USP6: variants seen among roughly 807,000 people sequenced by gnomAD.
USP6 encodes ubiquitin carboxyl-terminal hydrolase 6.
Under a neutral mutation model 175.7 loss-of-function variants are expected in USP6, and 128 were observed. The ratio of observed to expected loss-of-function variants is 0.73; its 90% CI spans 0.63 to 0.84. The LOEUF (loss-of-function observed/expected upper bound fraction) is 0.84, where lower values mean the gene tolerates loss of function less well. USP6 is among the 40% of genes least tolerant of loss of function. The pLI, the probability that USP6 is intolerant of heterozygous loss-of-function variation, is 0.00. For missense variants in USP6, 1,498 were observed against 1,760.3 expected, an observed-to-expected ratio of 0.85 and a Z score of 2.67; for synonymous variants, 562 against 630.6, an observed-to-expected ratio of 0.89 and a Z score of 1.63.
Position 5,170,349 on chromosome 17 carries a change from A to G in USP6, c.3518-130A>G. 2.2e-6 allele frequency: 3 copies of G among 1,369,358 alleles called. No individual in the cohort carries two copies. In the South Asian group the frequency reaches 4.5e-5, roughly 21 times the overall value. 84.8% of individuals were successfully genotyped at this position (1,369,358 alleles called of 1,614,324 possible). ...GGCTACACAATAGGAACCAAAGGGT[A>G]GCCAGTCATGACTCCCCTGTCTTTA... is the stretch of plus-strand genomic sequence containing the variant. On this transcript the variant is annotated intron_variant, in intron 35 of 37. Transcript: ENST00000574788.
At chr17:5,122,237 A>G (rs199659834) in intron 4 of USP6, among the ~76,000 whole-genome samples, 8 of 151,936 alleles carry the variant, frequency 5.3e-5, no homozygotes, top group Non-Finnish European at 7.4e-5. Context: ...GGTAAGCGTG[A>G]CTCACAGTCA....
At chr17:5,154,182 T>C (rs1183505387) in intron 30 of USP6, among the ~76,000 whole-genome samples, 1 of 152,256 alleles carries the variant, frequency 6.6e-6, no homozygotes, top group Non-Finnish European at 1.5e-5. Context: ...CTTAAAATTA[T>C]GTATTTAAGC....
chr17:5,142,134 C>A lies in USP6; in HGVS notation c.1705C>A (p.Leu569Ile). 6.2e-7 allele frequency: 1 copy of A among 1,612,042 alleles called. No homozygotes were observed. The highest frequency in any genetic ancestry group is 8.5e-7 in the Non-Finnish European group (1 of 1,179,212). Reference protein sequence around the residue: ...YFISGRHLYELNRTNPIGMKG... With the variant: ...YFISGRHLYEINRTNPIGMKG... ...TATCTCAGGGAGACATCTTTATGAA[C>A]TCAACAGGTAAACTTTCTTGAGTCA... Residue 569 changes from leucine to isoleucine, a missense_variant, in exon 24 of 38, where the codon CTC becomes ATC. Coordinates refer to ENST00000574788, the MANE Select transcript of USP6 (RefSeq NM_001304284.2).
rs374405147 is a variant in USP6, at chr17:5,137,092, G to A, written c.760-29G>A. ...GGAGGTTTTTAGGGCAGCCCAGGGG[G>A]CCCTGAGCACCTCTGTTCATCCCAT... is the stretch of plus-strand genomic sequence containing the variant. On this transcript the variant is annotated intron_variant, in intron 18 of 37. Transcript: ENST00000574788. 10 of 1,609,574 alleles carry A rather than the reference G, an allele frequency of 6.2e-6. No homozygotes were observed. The African/African-American group carries it at 1.3e-4, about 22-fold the overall frequency.
At chr17:5,117,141 T>C (rs2072555773) in intron 1 of USP6, among the ~76,000 whole-genome samples, 1 of 152,248 alleles carries the variant, frequency 6.6e-6, no homozygotes, top group Non-Finnish European at 1.5e-5. Context: ...GTTTCTCTTC[T>C]ACAATTATAA....
At position 5,169,011 on chromosome 17, in the gene USP6, A is replaced by G. The variant is rs1362164785; in HGVS notation, c.3473A>G (p.Lys1158Arg). 4.3e-6 allele frequency: 7 copies of G among 1,613,708 alleles called. No homozygotes were observed. In the Admixed American group the frequency reaches 1.0e-4, roughly 23 times the overall value. ...SAGKEDMLLS[K>R]SPSSLSANIS... ...GGAAAAGAGGACATGCTCCTAAGCA[A>G]AAGCCCATCCTCACTCAGCGCTAAC... The change falls in exon 35 of 38, where the codon AAA becomes AGA. Residue 1158 changes from lysine (K) to arginine (R), a missense_variant. Lys to Arg is a conservative substitution (Grantham distance 26). Transcript: ENST00000574788.
intron 36 of USP6, among the ~76,000 whole-genome samples, chr17:5,171,270 G>T (rs1377406528): frequency 6.6e-6 from 1 of 152,128 alleles, no homozygotes; most frequent in Non-Finnish European, 1.5e-5. Context: ...AGCCCAGAAG[G>T]TCAAGTCTTT....
chr17:5,125,656 AAACACG>A (rs1404230597), intron 5 of USP6, among the ~76,000 whole-genome samples, 159 bp from the exon 6 acceptor site: 1 of 80,540 alleles, frequency 1.2e-5, no homozygotes, highest in Non-Finnish European at 3.2e-5. Context: ...TGCAACACAC[AAACACG>A]CACACACACG....
chr17:5,131,102 G>A (rs1567778302), intron 11 of USP6, among the ~76,000 whole-genome samples: 2 of 151,010 alleles, frequency 1.3e-5, no homozygotes, highest in East Asian at 4.0e-4. Context: ...AGAGCCCACC[G>A]GCCCCTGTCC....
chr17:5,134,095 A>G lies in USP6; in HGVS notation c.494+99A>G, dbSNP rs1364917568. On this transcript the variant is annotated intron_variant, in intron 15 of 37. Transcript: ENST00000574788. ...AAGCCAGGGTCACCCAGGAGGGATG[A>G]CAGAGCTGCCAAGAGCTCTCCTGGC... is the stretch of plus-strand genomic sequence containing the variant. 7 of 1,314,326 alleles carry G rather than the reference A, an allele frequency of 5.3e-6. No homozygotes were observed. The East Asian group carries it at 1.7e-4, about 31-fold the overall frequency. 81.4% of individuals were successfully genotyped at this position (1,314,326 alleles called of 1,614,324 possible). A position where few individuals can be genotyped will look rare whatever the true frequency, so the allele number is the denominator to read the frequency against.
intron 33 of USP6, 37 bp downstream of exon 33, chr17:5,163,041 A>C: frequency 2.7e-6 from 4 of 1,509,422 alleles, no homozygotes; most frequent in Non-Finnish European, 3.5e-6. Context: ...GGTGGTTTTT[A>C]TATGGGAAAT....
rs2073141947 is a variant in USP6, at chr17:5,133,448, A to G, written c.282A>G (p.Ile94Met). The change falls in exon 14 of 38, where the codon ATA (isoleucine) becomes ATG (methionine). Residue 94 changes from isoleucine to methionine, a missense_variant. Transcript: ENST00000574788. ...AGATTCTTTTCTGCCCACAGCTCATAGATCGAGTGTACAAGGGAATTCCCA... is the reference window on the plus strand; with the variant it reads ...AGATTCTTTTCTGCCCACAGCTCATGGATCGAGTGTACAAGGGAATTCCCA... ...WETYKHSSKL[I>M]DRVYKGIPMN... The G allele has an allele frequency of 6.2e-7, 1 of 1,610,918 alleles. No individual in the cohort carries two copies. Among genetic ancestry groups the G allele is most frequent in the African/African-American group, 1.3e-5 (1 of 74,830 alleles).
At chr17:5,125,684 A>ACACACACACACACACACACGCACATG (rs2072870935) in intron 5 of USP6, 137 bp from the exon 6 acceptor site, 1 of 110,392 alleles carries the variant, frequency 9.1e-6, no homozygotes, top group East Asian at 4.5e-4. Flanking sequence ...ACATGCACAC[A>ACACACACACACACACACACGCACATG]CACACACACA....
chr17:5,128,118 T>C (rs1463114853), intron 7 of USP6, among the ~76,000 whole-genome samples: 1 of 152,204 alleles, frequency 6.6e-6, no homozygotes, highest in Non-Finnish European at 1.5e-5. Context: ...ACAGGCAGAC[T>C]AAGCCCAGGT....
At position 5,170,816 on chromosome 17, in the gene USP6, C is replaced by T; in HGVS notation, c.3855C>T (p.Tyr1285=). 6.2e-7 allele frequency: 1 copy of T among 1,613,454 alleles called. No individual in the cohort carries two copies. The highest frequency in any genetic ancestry group is 8.5e-7 in the Non-Finnish European group (1 of 1,179,866). The change falls in exon 36 of 38, where the codon TAC becomes TAT. Residue 1285 remains tyrosine, a synonymous_variant. Transcript: ENST00000574788. The stretch of plus-strand genomic sequence containing the variant: ...GTGGCAATGGCTGTGGCGATGGCTA[C>T]AGCAATGGTCAGCTTGGAAACCACA... ...EACGNGCGDG[Y]SNGQLGNHSE... is the part of the protein sequence containing the mutation.
chr17:5,146,302 C>A, intron 28 of USP6, 128 bp downstream of exon 28: 3 of 1,331,900 alleles, frequency 2.3e-6, no homozygotes, highest in Non-Finnish European at 2.0e-6. Context: ...AACTGAACAA[C>A]AACAAAAAAT....
rs536045893 is a variant in USP6, at chr17:5,168,124, G to A, written c.3228+1G>A. 480 of 1,602,870 alleles carry A rather than the reference G, an allele frequency of 3.0e-4. 6 individuals are homozygous for A. In the South Asian group the frequency reaches 3.3e-3, roughly 11 times the overall value. On this transcript the variant is annotated splice_donor_variant, in intron 34 of 37. Transcript: ENST00000574788. LOFTEE classifies it high-confidence loss of function. ...TCTCTGGAGGCTTCCACCCTTCCTG[G>A]TATGTTACGGTCCTGCCTCTGAGAG...
At chr17:5,157,499 A>T (rs920255046) in intron 31 of USP6, among the ~76,000 whole-genome samples, 2 of 152,246 alleles carry the variant, frequency 1.3e-5, no homozygotes, top group Non-Finnish European at 2.9e-5. Context: ...TTTAGTAAAG[A>T]TGAAAGTTGG....
At chr17:5,118,068 CAAAAAA>C (rs57176092) in intron 1 of USP6, 126 bp from the exon 2 acceptor site, 17 of 109,142 alleles carry the variant, frequency 1.6e-4, no homozygotes, top group African/African-American at 4.7e-4. Flanking sequence ...GACTCCGTCT[CAAAAAA>C]AAAAAAAAAA....
Sources: allele counts gnomAD v4.1 joint callset (sites outside exome capture counted in the v4.1 genomes callset), GRCh38; gene constraint gnomAD v4.1.1; transcripts MANE v1.5; gene names NCBI Gene and HGNC (gene_info 2026-07-23, HGNC 2026-07-21).